The following LRMDA variants were observed in gnomAD, a reference collection of about 807,000 sequenced individuals.
LRMDA encodes leucine rich melanocyte differentiation associated, also known as leucine-rich melanocyte differentiation-associated protein.
LRMDA carries 18 observed loss-of-function variants against 29.8 expected under a neutral mutation model. The observed-to-expected ratio is 0.60, with a 90% CI of 0.42 to 0.90. The LOEUF is 0.90. Among genes scored for constraint, LRMDA ranks in the 40% least tolerant of loss-of-function variants. LRMDA has a pLI of 0.00. For synonymous variants in LRMDA, 125 were observed against 109.4 expected, an observed-to-expected ratio of 1.14 and a Z score of -0.89; for missense variants, 273 against 273.9, an observed-to-expected ratio of 1.00 and a Z score of 0.02.
chr10:75,980,894 C>T (rs1847157103), intron 2 of LRMDA, among the ~76,000 whole-genome samples: 1 of 152,208 alleles, frequency 6.6e-6, no homozygotes, highest in Admixed American at 6.5e-5. Context: ...GTCAATACTG[C>T]TTCTAATATT....
chr10:75,831,920 C>CA (rs879333356), intron 2 of LRMDA, among the ~76,000 whole-genome samples: 62 of 152,296 alleles, frequency 4.1e-4, no homozygotes, highest in African/African-American at 1.4e-3. Context: ...TGCAGGGCAC[C>CA]AAGTCCCTAG....
At chr10:75,933,135 A>G (rs1846232289) in intron 2 of LRMDA, among the ~76,000 whole-genome samples, 1 of 152,108 alleles carries the variant, frequency 6.6e-6, no homozygotes, top group Admixed American at 6.5e-5. Flanking sequence ...GTCTGAATTT[A>G]AGGAAGTTGT....
chr10:75,660,241 G>A (rs1177425189), intron 2 of LRMDA, among the ~76,000 whole-genome samples: 1 of 152,198 alleles, frequency 6.6e-6, no homozygotes, highest in Non-Finnish European at 1.5e-5. Flanking sequence ...CTTCCCTGCT[G>A]ACTCTATTTT....
intron 2 of LRMDA, among the ~76,000 whole-genome samples, chr10:75,593,220 T>G (rs924500060): frequency 2.0e-5 from 3 of 152,362 alleles, no homozygotes; most frequent in East Asian, 3.8e-4. Context: ...TATGCCTGAT[T>G]GTTAACCTCC....
intron 2 of LRMDA, among the ~76,000 whole-genome samples, chr10:76,032,608 T>A (rs1483033885): frequency 6.6e-6 from 1 of 152,084 alleles, no homozygotes; most frequent in Non-Finnish European, 1.5e-5. Context: ...GGCAGAGCCC[T>A]GGGAACGAGG....
chr10:75,972,086 C>T (rs940135168), intron 2 of LRMDA, among the ~76,000 whole-genome samples: 3 of 152,262 alleles, frequency 2.0e-5, no homozygotes, highest in African/African-American at 4.8e-5. Flanking sequence ...TTGGATGTAT[C>T]GCTTCAGCTG....
At chr10:76,538,931 CT>C (rs1843322327) in intron 6 of LRMDA, among the ~76,000 whole-genome samples, 1 of 151,990 alleles carries the variant, frequency 6.6e-6, no homozygotes, top group African/African-American at 2.4e-5. Context: ...CTTTCCTTTT[CT>C]TTTTTCTTTC....
chr10:75,786,149 G>A (rs1038484259), intron 2 of LRMDA, among the ~76,000 whole-genome samples: 3 of 152,170 alleles, frequency 2.0e-5, no homozygotes, highest in Admixed American at 2.0e-4. Flanking sequence ...TTATTACATT[G>A]TTCAGTTATG....
chr10:75,440,633 G>T lies in LRMDA; in HGVS notation c.131+2139G>T, dbSNP rs1294107866. ...CAGGGGAGGCAACACTATTTCTCTTGGGTGTTAGAAGAAGATTCGAGCTTA... is the reference window on the plus strand; with the variant it reads ...CAGGGGAGGCAACACTATTTCTCTTTGGTGTTAGAAGAAGATTCGAGCTTA... On this transcript the variant is annotated intron_variant, in intron 2 of 6. Transcript: ENST00000611255. 2.0e-5 allele frequency among the ~76,000 whole-genome samples: 3 copies of T among 152,122 alleles called. No individual in the cohort carries two copies. The East Asian group carries it at 5.8e-4, about 29-fold the overall frequency.
At chr10:75,641,933 T>C (rs73278981) in intron 2 of LRMDA, among the ~76,000 whole-genome samples, 5,236 of 152,206 alleles carry the variant, frequency 0.034, 274 homozygotes, top group African/African-American at 0.12. Flanking sequence ...AAGTTTAATT[T>C]TGGATCTGGA....
intron 2 of LRMDA, among the ~76,000 whole-genome samples, chr10:75,603,814 G>A (rs1212989676): frequency 3.9e-5 from 6 of 152,114 alleles, no homozygotes; most frequent in Admixed American, 6.5e-5. Flanking sequence ...AAGAATTGAG[G>A]CATAATTTTG....
intron 6 of LRMDA, among the ~76,000 whole-genome samples, chr10:76,335,562 T>C (rs1025749569): frequency 2.6e-5 from 4 of 152,192 alleles, no homozygotes; most frequent in African/African-American, 9.7e-5. Context: ...CAAGGTGGTC[T>C]GGGTATGGCA....
At chr10:76,300,615 T>C (rs1348743461) in intron 5 of LRMDA, among the ~76,000 whole-genome samples, 1 of 152,254 alleles carries the variant, frequency 6.6e-6, no homozygotes, top group African/African-American at 2.4e-5. Context: ...CTTCCATCAT[T>C]CAGACGCTAG....
intron 2 of LRMDA, among the ~76,000 whole-genome samples, chr10:75,465,910 A>G (rs1174422486): frequency 6.6e-6 from 1 of 152,236 alleles, no homozygotes; most frequent in Non-Finnish European, 1.5e-5. Context: ...ATCATTTCTT[A>G]CACCCTGCTC....
At chr10:75,440,160 G>A (rs1403200054) in intron 2 of LRMDA, among the ~76,000 whole-genome samples, 1 of 149,958 alleles carries the variant, frequency 6.7e-6, no homozygotes, top group East Asian at 2.0e-4. Flanking sequence ...TGTATGTGTG[G>A]CAAGAAGGGG....
intron 6 of LRMDA, among the ~76,000 whole-genome samples, chr10:76,505,406 A>G (rs1842949249): frequency 6.6e-6 from 1 of 152,036 alleles, no homozygotes; most frequent in Non-Finnish European, 1.5e-5. Flanking sequence ...AATGACTTGT[A>G]GGTTTGGTCT....
At chr10:76,123,341 C>T (rs1166851668) in intron 5 of LRMDA, among the ~76,000 whole-genome samples, 2 of 71,994 alleles carry the variant, frequency 2.8e-5, no homozygotes, top group Non-Finnish European at 4.9e-5. Flanking sequence ...TTTATTTCTA[C>T]CAAAAAAAAA....
intron 2 of LRMDA, among the ~76,000 whole-genome samples, chr10:75,706,411 T>A (rs1822780625): frequency 6.6e-6 from 1 of 152,230 alleles, no homozygotes; most frequent in African/African-American, 2.4e-5. Context: ...ATTTTAAAAG[T>A]CTTAGATAAG....
At chr10:75,671,656 A>G (rs887630551) in intron 2 of LRMDA, among the ~76,000 whole-genome samples, 2 of 152,118 alleles carry the variant, frequency 1.3e-5, no homozygotes, top group Admixed American at 6.5e-5. Context: ...GAGCTCAGGG[A>G]GGGATAGCAT....
Sources: allele counts gnomAD v4.1 joint callset (sites outside exome capture counted in the v4.1 genomes callset), GRCh38; gene constraint gnomAD v4.1.1; transcripts MANE v1.5; gene names NCBI Gene and HGNC (gene_info 2026-07-23, HGNC 2026-07-21).